The following MALRD1 variants were observed in gnomAD, a reference collection of about 807,000 sequenced individuals.
MALRD1 encodes the protein MAM and LDL receptor class A domain containing 1, also known as MAM and LDL-receptor class A domain-containing protein 1.
MALRD1 carries 247 observed loss-of-function variants against 242.1 expected under a neutral mutation model. The observed-to-expected ratio is 1.02, with a 90% CI of 0.92 to 1.13. The LOEUF is 1.13. MALRD1 is among the 50% of genes most tolerant of loss of function. The probability of loss-of-function intolerance (pLI) is 0.00; values close to 1 mark genes in which losing one functional copy is unlikely to be tolerated. For synonymous variants in MALRD1, 995 were observed against 866.6 expected (o/e 1.15, Z -2.60); for missense variants, 2,989 against 2,533.1 (o/e 1.18, Z -3.86).
chr10:19,261,743 A>C (rs1839760000), intron 19 of MALRD1, among the ~76,000 whole-genome samples: 1 of 136,008 alleles, frequency 7.4e-6, no homozygotes, highest in Non-Finnish European at 1.7e-5. Flanking sequence ...GCAGTAGATT[A>C]TTTTACTTTT....
chr10:19,705,419 C>A (rs1423908787), intron 38 of MALRD1, among the ~76,000 whole-genome samples: 2 of 152,116 alleles, frequency 1.3e-5, no homozygotes, highest in Non-Finnish European at 2.9e-5. Context: ...CTGGCAAAAC[C>A]GTTACTCTCT....
At chr10:19,448,851 T>G (rs897889039) in intron 28 of MALRD1, among the ~76,000 whole-genome samples, 4 of 152,116 alleles carry the variant, frequency 2.6e-5, no homozygotes, top group Non-Finnish European at 5.9e-5. Flanking sequence ...ATATAATTTT[T>G]GGAATCTGTT....
At chr10:19,307,816 A>T (rs191609833) in intron 21 of MALRD1, among the ~76,000 whole-genome samples, 1 of 151,660 alleles carries the variant, frequency 6.6e-6, no homozygotes, top group Admixed American at 6.6e-5. Flanking sequence ...TTGAATATTT[A>T]ATTAAATTTA....
chr10:19,586,955 A>G (rs1429892742), intron 33 of MALRD1, among the ~76,000 whole-genome samples: 1 of 152,210 alleles, frequency 6.6e-6, no homozygotes, highest in African/African-American at 2.4e-5. Context: ...CCCGTCGGAA[A>G]AGCGCAGTAT....
chr10:19,387,796 T>A lies in MALRD1; in HGVS notation c.4687+23T>A. On this transcript the variant is annotated intron_variant, in intron 27 of 39. Coordinates refer to ENST00000454679, the MANE Select transcript of MALRD1 (RefSeq NM_001142308.3). ...ATGGTAGGTTATTAGATTGTTGTAA[T>A]TGCTTTCACATGATTTTCACAATGT... 3 of 1,538,474 alleles carry A rather than the reference T, an allele frequency of 1.9e-6. No homozygotes were observed. The East Asian group carries it at 7.4e-5, about 38-fold the overall frequency.
chr10:19,703,546 A>G (rs957613169), intron 38 of MALRD1, among the ~76,000 whole-genome samples: 1 of 152,236 alleles, frequency 6.6e-6, no homozygotes, highest in Non-Finnish European at 1.5e-5. Context: ...TCAAGAGTTC[A>G]TAGTAAAAGA....
chr10:19,266,655 G>A (rs1481000945), intron 19 of MALRD1, among the ~76,000 whole-genome samples: 1 of 151,844 alleles, frequency 6.6e-6, no homozygotes, highest in Non-Finnish European at 1.5e-5. Flanking sequence ...AAAGATAAAT[G>A]TTATTAAAAA....
intron 26 of MALRD1, among the ~76,000 whole-genome samples, chr10:19,365,659 TAAAAAAAAAAAA>T (rs199989681): frequency 1.6e-5 from 2 of 122,874 alleles, no homozygotes; most frequent in East Asian, 5.1e-4. Flanking sequence ...TTATAAATTC[TAAAAAAAAAAAA>T]AAAAAAAAAA....
intron 29 of MALRD1, among the ~76,000 whole-genome samples, chr10:19,452,713 A>G (rs147422224): frequency 3.2e-4 from 49 of 152,348 alleles, no homozygotes; most frequent in African/African-American, 1.2e-3. Flanking sequence ...TCTGTGTAAC[A>G]TGGATGATCA....
chr10:19,706,530 T>C (rs1488067814), intron 38 of MALRD1, among the ~76,000 whole-genome samples: 1 of 152,052 alleles, frequency 6.6e-6, no homozygotes, highest in Non-Finnish European at 1.5e-5. Flanking sequence ...TTTGTATTTT[T>C]AGTAGAGACA....
intron 21 of MALRD1, among the ~76,000 whole-genome samples, chr10:19,299,703 G>A (rs1397700102): frequency 1.3e-5 from 2 of 151,750 alleles, no homozygotes; most frequent in Non-Finnish European, 2.9e-5. Context: ...AACAAACTAG[G>A]CACTGAAGGA....
At chr10:19,720,762 C>CTAAAAT (rs1834709450) in intron 38 of MALRD1, among the ~76,000 whole-genome samples, 1 of 151,868 alleles carries the variant, frequency 6.6e-6, no homozygotes, top group Non-Finnish European at 1.5e-5. Flanking sequence ...AAAATATTGC[C>CTAAAAT]TAAAATTAAA....
chr10:19,719,579 G>C (rs552320646), intron 38 of MALRD1, among the ~76,000 whole-genome samples: 78 of 152,166 alleles, frequency 5.1e-4, no homozygotes, highest in Non-Finnish European at 8.7e-4. Context: ...TGTATCATGT[G>C]AATGAGTTTG....
At chr10:19,194,256 G>C (rs10827042) in intron 14 of MALRD1, among the ~76,000 whole-genome samples, 5 of 151,914 alleles carry the variant, frequency 3.3e-5, no homozygotes, top group African/African-American at 9.7e-5. Context: ...GAAAATAAAC[G>C]TAGGTTATTT....
intron 36 of MALRD1, among the ~76,000 whole-genome samples, chr10:19,655,863 A>G (rs1224122962): frequency 2.6e-5 from 4 of 152,074 alleles, no homozygotes; most frequent in Admixed American, 6.6e-5. Context: ...CTGAGTAAGT[A>G]TCTGGGTCTG....
intron 29 of MALRD1, among the ~76,000 whole-genome samples, chr10:19,455,996 C>T (rs541411238): frequency 1.3e-5 from 2 of 152,140 alleles, no homozygotes; most frequent in Non-Finnish European, 2.9e-5. Flanking sequence ...CTGGTAAACC[C>T]AGGACCTCAG....
chr10:19,203,287 A>G (rs1004641707), intron 14 of MALRD1, among the ~76,000 whole-genome samples: 3 of 152,160 alleles, frequency 2.0e-5, no homozygotes, highest in African/African-American at 7.2e-5. Context: ...TATTAAATAT[A>G]GTGTATCTGG....
intron 18 of MALRD1, among the ~76,000 whole-genome samples, chr10:19,229,325 C>G (rs138724047): frequency 6.6e-6 from 1 of 151,910 alleles, no homozygotes; most frequent in Non-Finnish European, 1.5e-5. Context: ...GATATTTACA[C>G]CAAAAGAAAT....
At chr10:19,419,910 AAAG>A (rs1234890929) in intron 28 of MALRD1, among the ~76,000 whole-genome samples, 9 of 152,344 alleles carry the variant, frequency 5.9e-5, no homozygotes, top group Admixed American at 2.6e-4. Flanking sequence ...AAAAAAATAA[AAAG>A]AAGACATAAA....
Sources: gnomAD v4.1 joint callset for allele counts (sites outside exome capture counted in the v4.1 genomes callset) on GRCh38, gnomAD v4.1.1 for gene constraint, MANE v1.5 for transcripts, NCBI Gene and HGNC (gene_info 2026-07-23, HGNC 2026-07-21) for gene names.